The following LHFPL3 variants were observed in gnomAD, a reference collection of about 807,000 sequenced individuals.
LHFPL3 encodes LHFPL tetraspan subfamily member 3 protein.
In LHFPL3, 5 loss-of-function variants were observed where a neutral mutation model predicts 19.3. The observed-to-expected ratio is 0.26, with a 90% confidence interval of 0.14 to 0.54. LHFPL3 has a LOEUF of 0.54. Among genes scored for constraint, LHFPL3 ranks in the 20% least tolerant of loss-of-function variants. LHFPL3 has a pLI of 0.94. For synonymous variants in LHFPL3, 133 were observed against 126.2 expected, an observed-to-expected ratio of 1.05 and a Z score of -0.36; for missense variants, 249 against 307.4, an observed-to-expected ratio of 0.81 and a Z score of 1.42.
intron 1 of LHFPL3, among the ~76,000 whole-genome samples, chr7:104,446,259 G>C (rs1792328248): frequency 6.6e-6 from 1 of 152,186 alleles, no homozygotes; most frequent in Non-Finnish European, 1.5e-5. Flanking sequence ...CTTATAGGAG[G>C]AAGGGGGCAG....
chr7:104,469,390 G>A (rs548099239), intron 1 of LHFPL3, among the ~76,000 whole-genome samples: 1 of 152,182 alleles, frequency 6.6e-6, no homozygotes, highest in Non-Finnish European at 1.5e-5. Context: ...TTTTGTGACT[G>A]TTTCCTGGTA....
At chr7:104,898,006 C>CATTTTTT in intron 2 of LHFPL3, among the ~76,000 whole-genome samples, 1 of 96,810 alleles carries the variant, frequency 1.0e-5, no homozygotes, top group Non-Finnish European at 1.9e-5. Flanking sequence ...AATGTCACCC[C>CATTTTTT]TTTTTTTTTT....
chr7:104,845,504 C>T (rs1353022072), intron 2 of LHFPL3: 12 of 1,494,416 alleles, frequency 8.0e-6, no homozygotes, highest in Admixed American at 2.2e-5. Flanking sequence ...ATGTTTTCTC[C>T]GCTGTTTTCT....
At chr7:104,829,708 A>T (rs968502401) in intron 2 of LHFPL3, among the ~76,000 whole-genome samples, 1 of 151,782 alleles carries the variant, frequency 6.6e-6, no homozygotes, top group African/African-American at 2.4e-5. Flanking sequence ...TATGTGCCAC[A>T]TTTTCTTAAT....
chr7:104,591,209 C>G (rs10233757), intron 1 of LHFPL3, among the ~76,000 whole-genome samples: 1 of 152,120 alleles, frequency 6.6e-6, no homozygotes, highest in Admixed American at 6.6e-5. Flanking sequence ...TTCCTAGCCT[C>G]GATAGTCTTT....
chr7:104,692,084 G>A (rs1262927324), intron 1 of LHFPL3, among the ~76,000 whole-genome samples: 1 of 152,206 alleles, frequency 6.6e-6, no homozygotes, highest in East Asian at 1.9e-4. Context: ...AGTTGAGAGA[G>A]ATGATTTAGG....
intron 2 of LHFPL3, among the ~76,000 whole-genome samples, chr7:104,889,151 T>C (rs1792201704): frequency 6.6e-6 from 1 of 152,190 alleles, no homozygotes. Flanking sequence ...ACATATAGTG[T>C]CTAAAATTGA....
At chr7:104,883,672 G>A (rs1419224997) in intron 2 of LHFPL3, among the ~76,000 whole-genome samples, 2 of 152,224 alleles carry the variant, frequency 1.3e-5, no homozygotes, top group Admixed American at 6.5e-5. Context: ...GCTGAGGGAC[G>A]TAGCACTAAC....
chr7:104,598,642 C>G (rs970797495), intron 1 of LHFPL3, among the ~76,000 whole-genome samples: 1 of 152,200 alleles, frequency 6.6e-6, no homozygotes, highest in Admixed American at 6.5e-5. Context: ...TTAGCCAAAG[C>G]TTTAGCAGAA....
At chr7:104,716,367 G>C (rs146376454) in intron 1 of LHFPL3, among the ~76,000 whole-genome samples, 1 of 151,128 alleles carries the variant, frequency 6.6e-6, no homozygotes, top group Admixed American at 6.6e-5. Flanking sequence ...ATCCAAATCA[G>C]AAAGGAAGAA....
intron 2 of LHFPL3, among the ~76,000 whole-genome samples, chr7:104,900,608 C>T (rs536693407): frequency 6.6e-6 from 1 of 152,332 alleles, no homozygotes; most frequent in East Asian, 1.9e-4. Context: ...GCTCTCCTGA[C>T]TGTGGGGGCT....
intron 1 of LHFPL3, among the ~76,000 whole-genome samples, chr7:104,445,466 G>A (rs532012720): frequency 3.9e-5 from 6 of 152,276 alleles, no homozygotes; most frequent in East Asian, 1.9e-4. Context: ...AAAATTAAAT[G>A]CAGTAATCAA....
chr7:104,656,918 A>G (rs1414834205), intron 1 of LHFPL3, among the ~76,000 whole-genome samples: 5 of 152,224 alleles, frequency 3.3e-5, no homozygotes, highest in African/African-American at 7.2e-5. Flanking sequence ...TCCATGTTAC[A>G]TCTGTTTTCT....
At chr7:104,821,502 A>C (rs949695420) in intron 2 of LHFPL3, among the ~76,000 whole-genome samples, 5 of 152,168 alleles carry the variant, frequency 3.3e-5, no homozygotes, top group African/African-American at 1.2e-4. Flanking sequence ...CCTCAAGTAC[A>C]TTTACCTATC....
chr7:104,565,703 G>A (rs1385363039), intron 1 of LHFPL3, among the ~76,000 whole-genome samples: 1 of 147,800 alleles, frequency 6.8e-6, no homozygotes, highest in African/African-American at 2.5e-5. Flanking sequence ...AAGTTTCCCT[G>A]CACCTTCCTG....
chr7:104,333,636 C>T (rs1801610542), intron 1 of LHFPL3, among the ~76,000 whole-genome samples: 1 of 152,178 alleles, frequency 6.6e-6, no homozygotes, highest in Non-Finnish European at 1.5e-5. Context: ...AATTTTATAA[C>T]TTTGTCATTT....
At chr7:104,764,688 A>G (rs1794427195) in intron 2 of LHFPL3, among the ~76,000 whole-genome samples, 1 of 152,250 alleles carries the variant, frequency 6.6e-6, no homozygotes, top group South Asian at 2.1e-4. Flanking sequence ...TGTTAAGCAG[A>G]CAATGCAATA....
chr7:104,876,078 T>A (rs999892411), intron 2 of LHFPL3, among the ~76,000 whole-genome samples: 6 of 152,212 alleles, frequency 3.9e-5, no homozygotes, highest in African/African-American at 1.4e-4. Flanking sequence ...GCTAGCCATA[T>A]GTAGAAAGCT....
At chr7:104,405,332 T>C (rs117466480) in intron 1 of LHFPL3, among the ~76,000 whole-genome samples, 1 of 152,308 alleles carries the variant, frequency 6.6e-6, no homozygotes, top group East Asian at 1.9e-4. Flanking sequence ...TTTTACTTAC[T>C]AAAAATGTAA....
Sources: gnomAD v4.1 joint callset for allele counts (sites outside exome capture counted in the v4.1 genomes callset) on GRCh38, gnomAD v4.1.1 for gene constraint, MANE v1.5 for transcripts, NCBI Gene and HGNC (gene_info 2026-07-23, HGNC 2026-07-21) for gene names.